The following NAV3 variants were observed in gnomAD, a reference collection of about 807,000 sequenced individuals.
The protein encoded by NAV3 is neuron navigator 3.
NAV3 carries 87 observed loss-of-function variants against 244.7 expected under a neutral mutation model. The observed-to-expected ratio is 0.36, with a 90% CI of 0.30 to 0.42. The LOEUF is 0.42. Among genes scored for constraint, NAV3 ranks in the 20% least tolerant of loss-of-function variants. NAV3 has a pLI of 1.00. For synonymous variants in NAV3, 1,126 were observed against 1,042.2 expected, an observed-to-expected ratio of 1.08 and a Z score of -1.55; for missense variants, 2,663 against 2,893.3, an observed-to-expected ratio of 0.92 and a Z score of 1.83.
intron 1 of NAV3, among the ~76,000 whole-genome samples, chr12:77,847,745 A>G (rs1876878417): frequency 1.3e-5 from 2 of 152,210 alleles, no homozygotes; most frequent in Non-Finnish European, 2.9e-5. Context: ...AAGGACTTGC[A>G]AGAAAGTCTC....
intron 12 of NAV3, among the ~76,000 whole-genome samples, chr12:78,094,195 A>T (rs989911992): frequency 6.6e-6 from 1 of 152,198 alleles, no homozygotes; most frequent in Non-Finnish European, 1.5e-5. Context: ...CAATCCAAGG[A>T]TTAGATGTTT....
intron 12 of NAV3, among the ~76,000 whole-genome samples, chr12:78,065,094 G>T (rs764797544): frequency 9.9e-5 from 15 of 152,064 alleles, no homozygotes; most frequent in African/African-American, 3.6e-4. Flanking sequence ...AGTGAAGATT[G>T]CACTCATGGT....
At chr12:77,714,096 C>A (rs1254265490) in intron 2 of NAV3, among the ~76,000 whole-genome samples, 1 of 151,938 alleles carries the variant, frequency 6.6e-6, no homozygotes, top group African/African-American at 2.4e-5. Flanking sequence ...GAGGGCATGA[C>A]TTGTGACTGG....
At chr12:77,963,990 C>G (rs1384344303) in intron 3 of NAV3, among the ~76,000 whole-genome samples, 3 of 141,376 alleles carry the variant, frequency 2.1e-5, no homozygotes, top group African/African-American at 7.7e-5. Context: ...CCTCCCTCCT[C>G]CTCCCTCCTC....
intron 2 of NAV3, among the ~76,000 whole-genome samples, chr12:77,670,305 A>G (rs1873909537): frequency 1.3e-5 from 2 of 152,106 alleles, no homozygotes; most frequent in South Asian, 4.1e-4. Flanking sequence ...GGTAATTAAA[A>G]AATTACCAAC....
intron 2 of NAV3, among the ~76,000 whole-genome samples, chr12:77,775,060 G>A (rs1870282444): frequency 6.6e-6 from 1 of 152,098 alleles, no homozygotes; most frequent in Non-Finnish European, 1.5e-5. Flanking sequence ...TTTTATATCA[G>A]GAGCTAGTTG....
At chr12:78,171,867 A>G (rs1332934071) in intron 24 of NAV3, among the ~76,000 whole-genome samples, 1 of 151,636 alleles carries the variant, frequency 6.6e-6, no homozygotes, top group African/African-American at 2.4e-5. Flanking sequence ...AGGCCTGACT[A>G]TCACACAACC....
At chr12:77,729,737 A>G (rs969302988) in intron 2 of NAV3, among the ~76,000 whole-genome samples, 6 of 151,780 alleles carry the variant, frequency 4.0e-5, no homozygotes, top group African/African-American at 9.7e-5. Context: ...CCAAATGACA[A>G]CTCCTCCTAA....
intron 2 of NAV3, among the ~76,000 whole-genome samples, chr12:77,779,028 C>T (rs1176831883): frequency 6.6e-6 from 1 of 152,192 alleles, no homozygotes; most frequent in Non-Finnish European, 1.5e-5. Flanking sequence ...AAAAGTTTTA[C>T]TTGCAAGCCT....
At position 77,940,340 on chromosome 12, in the gene NAV3, C is replaced by A. The variant is rs755938067; in HGVS notation, c.265C>A (p.His89Asn). The A allele has an allele frequency of 3.1e-6, 5 of 1,613,804 alleles. No homozygotes were observed. Among genetic ancestry groups the A allele is most frequent in the Non-Finnish European group, 1.7e-6 (2 of 1,179,774 alleles). ...ACAGATTTACACTGACTGGGCCAAC[C>A]ACTACCTAGCAAAATCAGGCCACAA... ...DSKIYTDWAN[H>N]YLAKSGHKRL... Residue 89 changes from histidine to asparagine, a missense_variant, in exon 2 of 40, where the codon CAC (histidine) becomes AAC (asparagine). Transcript: ENST00000397909.
intron 2 of NAV3, among the ~76,000 whole-genome samples, chr12:77,816,135 T>C (rs1445645529): frequency 6.6e-6 from 1 of 152,152 alleles, no homozygotes; most frequent in Non-Finnish European, 1.5e-5. Context: ...TCAAGGGAGA[T>C]AAACTTTATA....
At position 77,929,638 on chromosome 12, in the gene NAV3, T is replaced by G. The variant is rs114599507; in HGVS notation, c.244-10681T>G. Among the ~76,000 whole-genome samples the G allele has an allele frequency of 1.6e-3, 242 of 151,908 alleles. 2 individuals are homozygous for G. The highest frequency in any genetic ancestry group is 5.6e-3 in the African/African-American group (233 of 41,506). On this transcript the variant is annotated intron_variant, in intron 1 of 39. Coordinates refer to ENST00000397909, the MANE Select transcript of NAV3 (RefSeq NM_001024383.2). ...ATAACCTTATTTTTATTTATTTATT[T>G]ACTTATTTATTTTTATTTTCTTTTA...
At chr12:78,071,225 A>G (rs1952747898) in intron 12 of NAV3, among the ~76,000 whole-genome samples, 3 of 152,044 alleles carry the variant, frequency 2.0e-5, no homozygotes, top group African/African-American at 7.2e-5. Context: ...CTGTTTCCTG[A>G]CTTTTTAATG....
At chr12:78,144,202 T>G (rs1035615091) in intron 20 of NAV3, among the ~76,000 whole-genome samples, 10 of 152,200 alleles carry the variant, frequency 6.6e-5, no homozygotes, top group Non-Finnish European at 1.2e-4. Flanking sequence ...TCATTTTTGA[T>G]TCATTGTGGA....
intron 2 of NAV3, among the ~76,000 whole-genome samples, chr12:77,650,356 A>G (rs544044639): frequency 1.2e-4 from 19 of 152,316 alleles, no homozygotes; most frequent in Non-Finnish European, 2.6e-4. Context: ...CCTAAAGATC[A>G]GTATTTAAGC....
chr12:77,585,635 A>G (rs984428355), intron 2 of NAV3, among the ~76,000 whole-genome samples: 35 of 152,176 alleles, frequency 2.3e-4, no homozygotes, highest in Non-Finnish European at 7.3e-5. Flanking sequence ...TATAGTTCAC[A>G]GTAGGGTTCG....
chr12:77,843,945 G>A (rs2136191415), intron 1 of NAV3, among the ~76,000 whole-genome samples: 1 of 152,238 alleles, frequency 6.6e-6, no homozygotes, highest in Admixed American at 6.5e-5. Flanking sequence ...AAAGGATAAA[G>A]CTAGAGGAAA....
chr12:77,831,419 G>A lies in NAV3; in HGVS notation c.-43G>A. 6.5e-7 allele frequency: 1 copy of A among 1,548,382 alleles called. No homozygotes were observed. Among genetic ancestry groups the A allele is most frequent in the Non-Finnish European group, 8.7e-7 (1 of 1,151,330 alleles). On this transcript the variant is annotated 5_prime_UTR_variant, in exon 1 of 40. Coordinates refer to ENST00000397909, the MANE Select transcript of NAV3 (RefSeq NM_001024383.2). Reference sequence around the variant, plus strand: ...GTTGGAGTCTACCAGACTGAGGTTAGAAGCATTTTCTTTGGCAGCAAGAAG... The same window carrying A: ...GTTGGAGTCTACCAGACTGAGGTTAAAAGCATTTTCTTTGGCAGCAAGAAG...
intron 2 of NAV3, among the ~76,000 whole-genome samples, chr12:77,661,451 G>A (rs1480086683): frequency 6.6e-6 from 1 of 152,094 alleles, no homozygotes; most frequent in Non-Finnish European, 1.5e-5. Flanking sequence ...GTAGACAGAA[G>A]AGCTTTATTA....
Sources: gnomAD v4.1 joint callset for allele counts (sites outside exome capture counted in the v4.1 genomes callset) on GRCh38, gnomAD v4.1.1 for gene constraint, MANE v1.5 for transcripts, NCBI Gene and HGNC (gene_info 2026-07-23, HGNC 2026-07-21) for gene names.